Variants in RUSC2 observed in about 807,000 individuals in gnomAD.
RUSC2 encodes the protein AP-4 complex accessory subunit RUSC2.
A neutral mutation model predicts 122.2 loss-of-function variants in RUSC2; 34 were observed. That is an observed-to-expected ratio of 0.28 (90% CI 0.21 to 0.37). The LOEUF is 0.37. Ranked by LOEUF, RUSC2 falls within the 10% of genes least tolerant of loss-of-function variation. The pLI, the probability that RUSC2 is intolerant of heterozygous loss-of-function variation, is 1.00. For missense variants in RUSC2, 1,747 were observed against 1,952.4 expected, an observed-to-expected ratio of 0.89 and a Z score of 1.98; for synonymous variants, 784 against 790.0, an observed-to-expected ratio of 0.99 and a Z score of 0.13.
At chr9:35,502,094 C>T (rs1289549835) in intron 1 of RUSC2, among the ~76,000 whole-genome samples, 1 of 152,078 alleles carries the variant, frequency 6.6e-6, no homozygotes, top group Non-Finnish European at 1.5e-5. Flanking sequence ...AAAAAAATCA[C>T]CCGGATCACC....
At chr9:35,518,768 C>T (rs1821155777) in intron 1 of RUSC2, among the ~76,000 whole-genome samples, 2 of 152,212 alleles carry the variant, frequency 1.3e-5, no homozygotes, top group African/African-American at 4.8e-5. Flanking sequence ...AACCCATCCT[C>T]TGTCTCAAAT....
chr9:35,545,943 A>G lies in RUSC2; in HGVS notation c.-92-487A>G, dbSNP rs531683662. 2.6e-5 allele frequency among the ~76,000 whole-genome samples: 4 copies of G among 152,364 alleles called. No individual in the cohort carries two copies. In the South Asian group the frequency reaches 8.3e-4, roughly 32 times the overall value. ...CCGTATATTTTAAAATGCTTCTTGC[A>G]AAATTATAGCTTATTGCTATGAGTT... is the stretch of plus-strand genomic sequence containing the variant. On this transcript the variant is annotated intron_variant, in intron 1 of 11. Transcript: ENST00000361226.
intron 1 of RUSC2, among the ~76,000 whole-genome samples, chr9:35,528,523 T>C (rs1218444463): frequency 6.6e-6 from 1 of 151,790 alleles, no homozygotes; most frequent in Non-Finnish European, 1.5e-5. Context: ...TTTTTTTTTT[T>C]TGAGATGGAG....
At chr9:35,496,654 A>AT (rs1384417829) in intron 1 of RUSC2, among the ~76,000 whole-genome samples, 1 of 152,188 alleles carries the variant, frequency 6.6e-6, no homozygotes, top group African/African-American at 2.4e-5. Context: ...ATCACTGATG[A>AT]TTCCTCTGAA....
intron 1 of RUSC2, among the ~76,000 whole-genome samples, chr9:35,533,935 C>T (rs1343166388): frequency 6.6e-6 from 1 of 152,158 alleles, no homozygotes; most frequent in Admixed American, 6.5e-5. Context: ...CATATACAAG[C>T]TTCTGTGTGG....
intron 1 of RUSC2, among the ~76,000 whole-genome samples, chr9:35,495,314 G>T: frequency 7.7e-6 from 1 of 130,464 alleles, no homozygotes; most frequent in African/African-American, 2.9e-5. Context: ...CTTATCTTTA[G>T]GTCTTTGATC....
intron 1 of RUSC2, among the ~76,000 whole-genome samples, chr9:35,511,130 A>G (rs1284112389): frequency 1.3e-5 from 2 of 152,230 alleles, no homozygotes; most frequent in Non-Finnish European, 2.9e-5. Flanking sequence ...GTAACTTTAT[A>G]GACTGCCCTT....
chr9:35,540,091 T>A (rs1406616529), intron 1 of RUSC2, among the ~76,000 whole-genome samples: 2 of 152,204 alleles, frequency 1.3e-5, no homozygotes, highest in African/African-American at 2.4e-5. Flanking sequence ...AAGAGTTCCC[T>A]AAATTCCCAT....
At chr9:35,531,743 G>A (rs1307448167) in intron 1 of RUSC2, among the ~76,000 whole-genome samples, 2 of 152,082 alleles carry the variant, frequency 1.3e-5, no homozygotes, top group Non-Finnish European at 2.9e-5. Flanking sequence ...GGAAATTGTT[G>A]GGCTGGGCGT....
intron 1 of RUSC2, among the ~76,000 whole-genome samples, chr9:35,494,497 G>C (rs766458468): frequency 7.9e-5 from 12 of 152,224 alleles, no homozygotes; most frequent in South Asian, 2.1e-4. Flanking sequence ...ATCCTAAGCA[G>C]TGTGAAGTGA....
chr9:35,540,019 T>C (rs779187448), intron 1 of RUSC2, among the ~76,000 whole-genome samples: 5 of 152,168 alleles, frequency 3.3e-5, no homozygotes, highest in Non-Finnish European at 7.4e-5. Context: ...TGACCAAAGC[T>C]AGAGGAAACC....
chr9:35,513,775 G>A (rs1445325042), intron 1 of RUSC2, among the ~76,000 whole-genome samples: 1 of 150,314 alleles, frequency 6.7e-6, no homozygotes, highest in Non-Finnish European at 1.5e-5. Flanking sequence ...AATTTGAGAG[G>A]CCAAGGCAGG....
At chr9:35,542,038 T>C (rs983389610) in intron 1 of RUSC2, among the ~76,000 whole-genome samples, 1 of 152,094 alleles carries the variant, frequency 6.6e-6, no homozygotes, top group African/African-American at 2.4e-5. Context: ...TATGCATACA[T>C]AAAAAGTGCC....
Position 35,499,905 on chromosome 9 carries a change from G to A in RUSC2, c.-93+9733G>A, listed in dbSNP as rs568910024. 2.2e-4 allele frequency among the ~76,000 whole-genome samples: 34 copies of A among 152,256 alleles called. 1 individual carries two copies. The South Asian group carries it at 6.2e-3, about 28-fold the overall frequency. ...AAGTTGGGAACCTACTACTAGTCCC[G>A]TTCATCCTCAAGTTGTTTCTCTTCC... On this transcript the variant is annotated intron_variant, in intron 1 of 11. Coordinates refer to ENST00000361226, the MANE Select transcript of RUSC2 (RefSeq NM_014806.5).
At chr9:35,514,503 A>G (rs1821067629) in intron 1 of RUSC2, among the ~76,000 whole-genome samples, 1 of 152,218 alleles carries the variant, frequency 6.6e-6, no homozygotes, top group African/African-American at 2.4e-5. Flanking sequence ...TTTGATGTCT[A>G]TTAAGATGAT....
intron 1 of RUSC2, among the ~76,000 whole-genome samples, chr9:35,503,393 A>T (rs562278497): frequency 6.6e-6 from 1 of 152,328 alleles, no homozygotes; most frequent in African/African-American, 2.4e-5. Context: ...CTTCACTTAG[A>T]ATAGTGGCCT....
chr9:35,496,728 A>C (rs1820721762), intron 1 of RUSC2, among the ~76,000 whole-genome samples: 1 of 152,186 alleles, frequency 6.6e-6, no homozygotes. Flanking sequence ...GGCATTTTCC[A>C]GGAGTACTCC....
chr9:35,534,020 G>A (rs1260728487), intron 1 of RUSC2, among the ~76,000 whole-genome samples: 1 of 152,092 alleles, frequency 6.6e-6, no homozygotes, highest in African/African-American at 2.4e-5. Flanking sequence ...TTAACTTTTT[G>A]AGAAACTGCC....
At chr9:35,510,104 A>G (rs1001617165) in intron 1 of RUSC2, among the ~76,000 whole-genome samples, 1 of 152,238 alleles carries the variant, frequency 6.6e-6, no homozygotes, top group African/African-American at 2.4e-5. Flanking sequence ...AAAAATATGT[A>G]ATATAAAAAT....
Sources: gnomAD v4.1 joint callset for allele counts (sites outside exome capture counted in the v4.1 genomes callset) on GRCh38, gnomAD v4.1.1 for gene constraint, MANE v1.5 for transcripts, NCBI Gene and HGNC (gene_info 2026-07-23, HGNC 2026-07-21) for gene names.